Variants in FGD6 observed in about 807,000 individuals in gnomAD.
The protein encoded by FGD6 is FYVE, RhoGEF and PH domain containing 6, also known as FYVE, RhoGEF and PH domain-containing protein 6.
FGD6 carries 90 observed loss-of-function variants against 149.4 expected under a neutral mutation model. That is an observed-to-expected ratio of 0.60 (90% CI 0.51 to 0.72). The LOEUF is 0.72. FGD6 is among the 30% of genes least tolerant of loss of function. The pLI is 0.00. For synonymous variants in FGD6, 527 were observed against 584.0 expected, an observed-to-expected ratio of 0.90 and a Z score of 1.41; for missense variants, 1,437 against 1,684.8, an observed-to-expected ratio of 0.85 and a Z score of 2.57.
chr12:95,176,610 CT>C (rs757469029), intron 2 of FGD6, among the ~76,000 whole-genome samples: 1 of 152,018 alleles, frequency 6.6e-6, no homozygotes, highest in Non-Finnish European at 1.5e-5. Flanking sequence ...TGATGGGTAA[CT>C]GTTTCCTTCA....
At chr12:95,134,586 G>A (rs1183171408) in intron 8 of FGD6, among the ~76,000 whole-genome samples, 153 bp downstream of exon 8, 2 of 152,194 alleles carry the variant, frequency 1.3e-5, no homozygotes, top group Non-Finnish European at 2.9e-5. Flanking sequence ...CAACGTATAT[G>A]TAAAGTATAT....
At position 95,209,693 on chromosome 12, in the gene FGD6, T is replaced by C. The variant is rs1202317350; in HGVS notation, c.1591A>G (p.Ser531Gly). ...KSSYPSSEEK[S>G]SEKSLERNHL... is the part of the protein sequence containing the mutation. ...TTTCTTTCTAGACTCTTCTCTGAACTTTTTTCTTCACTTGAAGGATAAGAA... is the reference window on the plus strand; with the variant it reads ...TTTCTTTCTAGACTCTTCTCTGAACCTTTTTCTTCACTTGAAGGATAAGAA... The change falls in exon 2 of 21, where the codon AGT becomes GGT. Residue 531 changes from serine to glycine, a missense_variant. By Grantham distance (56) the Ser-to-Gly change is moderately conservative. Transcript: ENST00000343958. The C allele has an allele frequency of 6.2e-7, 1 of 1,614,002 alleles. No homozygotes were observed. Among genetic ancestry groups the C allele is most frequent in the Non-Finnish European group, 8.5e-7 (1 of 1,179,998 alleles).
chr12:95,151,971 G>C (rs1880322563), intron 5 of FGD6, among the ~76,000 whole-genome samples: 1 of 152,124 alleles, frequency 6.6e-6, no homozygotes. Context: ...AGGAGTGCAT[G>C]AGAAAAATGA....
intron 3 of FGD6, among the ~76,000 whole-genome samples, chr12:95,169,754 C>T (rs1236656831): frequency 6.6e-6 from 1 of 152,132 alleles, no homozygotes; most frequent in Non-Finnish European, 1.5e-5. Flanking sequence ...AAAAGAGTGT[C>T]TGCTAGGAAA....
intron 9 of FGD6, among the ~76,000 whole-genome samples, chr12:95,112,494 G>A (rs568831070): frequency 1.3e-5 from 2 of 151,998 alleles, no homozygotes; most frequent in Non-Finnish European, 2.9e-5. Flanking sequence ...CAGCTACTTG[G>A]GGGGCTGAGG....
chr12:95,130,317 C>G (rs551177382), intron 8 of FGD6, among the ~76,000 whole-genome samples: 54 of 152,220 alleles, frequency 3.5e-4, no homozygotes, highest in African/African-American at 1.2e-3. Flanking sequence ...AGGCACAAAC[C>G]TACTTACATT....
Position 95,102,457 on chromosome 12 carries a change from A to AC in FGD6, c.3497+2549_3497+2550insG, listed in dbSNP as rs1555216920. On this transcript the variant is annotated intron_variant, in intron 14 of 20. Coordinates refer to ENST00000343958, the MANE Select transcript of FGD6 (RefSeq NM_018351.4). Reference sequence around the variant, plus strand: ...AGACCCTTTCTCAAAAAAAAAAAAAAAAAAAAAAAACACAACAACAATAAA... The same window carrying AC: ...AGACCCTTTCTCAAAAAAAAAAAAAACAAAAAAAAAACACAACAACAATAAA... Among the ~76,000 whole-genome samples, 1,299 of 151,364 alleles carry AC rather than the reference A, an allele frequency of 8.6e-3. 24 individuals carry two copies. The highest frequency in any genetic ancestry group is 0.03 in the African/African-American group (1,232 of 41,268).
chr12:95,195,047 T>C (rs934358232), intron 2 of FGD6, among the ~76,000 whole-genome samples: 7 of 152,196 alleles, frequency 4.6e-5, no homozygotes, highest in African/African-American at 1.7e-4. Flanking sequence ...TCGGAGGTAA[T>C]TTATTTGTTT....
At chr12:95,160,249 A>G (rs894504427) in intron 3 of FGD6, among the ~76,000 whole-genome samples, 3 of 152,180 alleles carry the variant, frequency 2.0e-5, no homozygotes, top group African/African-American at 7.2e-5. Context: ...AGAAGAAGAT[A>G]TAAGAATGGG....
chr12:95,173,186 G>A (rs905901958), intron 2 of FGD6, among the ~76,000 whole-genome samples: 4 of 152,162 alleles, frequency 2.6e-5, no homozygotes, highest in African/African-American at 9.7e-5. Flanking sequence ...AGGACTCGGG[G>A]GTAATAATGG....
intron 1 of FGD6, among the ~76,000 whole-genome samples, chr12:95,211,521 A>G (rs1041265251): frequency 2.7e-5 from 4 of 146,734 alleles, no homozygotes; most frequent in African/African-American, 7.6e-5. Context: ...AACTGTTACC[A>G]TATCTTTTTT....
chr12:95,077,716 G>C lies in FGD6; in HGVS notation c.*3804C>G, dbSNP rs1483323340. 6.6e-6 allele frequency: 1 copy of C among 152,234 alleles called. No individual in the cohort carries two copies. The highest frequency in any genetic ancestry group is 1.5e-5 in the Non-Finnish European group (1 of 68,054). The allele number at this position is 152,234 out of a possible 1,614,324, so 9.4% of individuals were successfully genotyped here. On this transcript the variant is annotated 3_prime_UTR_variant, in exon 21 of 21. Coordinates refer to ENST00000343958, the MANE Select transcript of FGD6 (RefSeq NM_018351.4). ...AACCAGGGCCTATGTAATAACAGCA[G>C]GGCAATGAGGATGGAAAGGATACTT...
intron 2 of FGD6, among the ~76,000 whole-genome samples, chr12:95,204,447 A>G (rs1263586233): frequency 1.3e-5 from 2 of 151,874 alleles, no homozygotes; most frequent in African/African-American, 4.8e-5. Flanking sequence ...ATAAGAAGAA[A>G]AGGAGGTAGA....
intron 5 of FGD6, among the ~76,000 whole-genome samples, chr12:95,143,264 T>C (rs1879906378): frequency 6.7e-6 from 1 of 149,090 alleles, no homozygotes; most frequent in Non-Finnish European, 1.5e-5. Flanking sequence ...CTAACATACA[T>C]ATATTAACCA....
chr12:95,094,988 T>C (rs1878190885), intron 14 of FGD6, among the ~76,000 whole-genome samples: 1 of 152,236 alleles, frequency 6.6e-6, no homozygotes, highest in Admixed American at 6.5e-5. Context: ...TGGTTTGGTT[T>C]AAAGGATAAT....
intron 2 of FGD6, among the ~76,000 whole-genome samples, chr12:95,198,589 G>A (rs771643649): frequency 8.6e-5 from 13 of 152,036 alleles, no homozygotes; most frequent in South Asian, 2.1e-4. Context: ...ACAGGGGCCC[G>A]CCACCACGCC....
intron 14 of FGD6, among the ~76,000 whole-genome samples, chr12:95,101,885 G>C (rs1034047798): frequency 6.6e-6 from 1 of 151,632 alleles, no homozygotes; most frequent in Non-Finnish European, 1.5e-5. Flanking sequence ...GTTTCCCCAC[G>C]TTGGCCAGGA....
At position 95,137,513 on chromosome 12, in the gene FGD6, A is replaced by G. The variant is rs1434927730; in HGVS notation, c.2994+9T>C. ...AGAGAAGTGTTCAACATTAGATAGT[A>G]GCAAATACCTCAAATTCTCTAACAA... is the stretch of plus-strand genomic sequence containing the variant. On this transcript the variant is annotated intron_variant, in intron 7 of 20. Transcript: ENST00000343958. 1.3e-6 allele frequency: 2 copies of G among 1,562,574 alleles called. No individual in the cohort carries two copies. The highest frequency in any genetic ancestry group is 1.7e-6 in the Non-Finnish European group (2 of 1,154,706).
In FGD6 at chr12:95,107,707, C is replaced by T. The variant is rs1033996623; in HGVS notation, c.3265-76G>A. On this transcript the variant is annotated intron_variant, in intron 11 of 20. Transcript: ENST00000343958. ...ACAATATAATTTCCTTTTCAACTTT[C>T]TTCCCTGAGAATTTTTTTCATGACA... 3.3e-6 allele frequency: 5 copies of T among 1,509,964 alleles called. No individual in the cohort carries two copies. The Admixed American group carries it at 5.2e-5, about 16-fold the overall frequency. The allele number at this position is 1,509,964 out of a possible 1,614,324, so 93.5% of individuals were successfully genotyped here. A position where few individuals can be genotyped will look rare whatever the true frequency, so the allele number is the denominator to read the frequency against.
Sources: allele counts gnomAD v4.1 joint callset (sites outside exome capture counted in the v4.1 genomes callset), GRCh38; gene constraint gnomAD v4.1.1; transcripts MANE v1.5; gene names NCBI Gene and HGNC (gene_info 2026-07-23, HGNC 2026-07-21).